The following BTBD7 variants were observed in gnomAD, a reference collection of about 807,000 sequenced individuals.
BTBD7 encodes the protein BTB domain containing 7.
BTBD7 carries 38 observed loss-of-function variants against 99.9 expected under a neutral mutation model. The ratio of observed to expected loss-of-function variants is 0.38; its 90% CI spans 0.29 to 0.50. BTBD7 has a LOEUF of 0.50. BTBD7 is among the 20% of genes least tolerant of loss of function. The probability of loss-of-function intolerance (pLI) is 0.93; values close to 1 mark genes in which losing one functional copy is unlikely to be tolerated. For missense variants in BTBD7, 1,170 were observed against 1,394.6 expected, an observed-to-expected ratio of 0.84 and a Z score of 2.57; for synonymous variants, 520 against 511.4, an observed-to-expected ratio of 1.02 and a Z score of -0.23.
Position 93,242,117 on chromosome 14 carries a change from C to T in BTBD7, c.*156G>A. 1 of 622,948 alleles carries T rather than the reference C, an allele frequency of 1.6e-6. No homozygotes were observed. The highest frequency in any genetic ancestry group is 2.7e-6 in the Non-Finnish European group (1 of 370,628). 38.6% of individuals were successfully genotyped at this position (622,948 alleles called of 1,614,324 possible). A position where few individuals can be genotyped will look rare whatever the true frequency, so the allele number is the denominator to read the frequency against. ...AAAAAAACAAAACCTTCTTAGCATG[C>T]CATGTCTAATAAACACATATATACA... On this transcript the variant is annotated 3_prime_UTR_variant, in exon 11 of 11. Transcript: ENST00000334746.
chr14:93,298,920 CT>C (rs1200723730), intron 1 of BTBD7, among the ~76,000 whole-genome samples: 2 of 152,262 alleles, frequency 1.3e-5, no homozygotes, highest in East Asian at 3.9e-4. Flanking sequence ...GTAGTAGCTG[CT>C]GGGATAGCTG....
At chr14:93,282,610 C>T (rs986362843) in intron 3 of BTBD7, among the ~76,000 whole-genome samples, 1 of 152,066 alleles carries the variant, frequency 6.6e-6, no homozygotes. Context: ...GAATTACAGG[C>T]ACGAGCCACC....
At chr14:93,295,900 CAG>C in intron 2 of BTBD7, 68 bp downstream of exon 2, 1 of 1,431,666 alleles carries the variant, frequency 7.0e-7, no homozygotes, top group Non-Finnish European at 9.8e-7. Context: ...TTGTCATCTA[CAG>C]AGACTACCGA....
intron 3 of BTBD7, among the ~76,000 whole-genome samples, chr14:93,273,473 G>T (rs550831249): frequency 8.5e-4 from 130 of 152,298 alleles, no homozygotes; most frequent in Non-Finnish European, 1.6e-3. Context: ...TAATTTAAAA[G>T]ATATCAGAAC....
At chr14:93,302,166 C>T (rs948757933) in intron 1 of BTBD7, among the ~76,000 whole-genome samples, 15 of 152,132 alleles carry the variant, frequency 9.9e-5, no homozygotes, top group African/African-American at 9.7e-5. Context: ...AACCTTGGTT[C>T]GATTTTGGAT....
chr14:93,308,340 A>G (rs1033624265), intron 1 of BTBD7, among the ~76,000 whole-genome samples: 2 of 152,100 alleles, frequency 1.3e-5, no homozygotes, highest in Non-Finnish European at 2.9e-5. Flanking sequence ...ACTTGGAGAC[A>G]AAAGATTTCC....
intron 1 of BTBD7, among the ~76,000 whole-genome samples, chr14:93,321,955 T>C (rs2053275400): frequency 6.6e-6 from 1 of 152,058 alleles, no homozygotes; most frequent in Non-Finnish European, 1.5e-5. Flanking sequence ...GAACTAACTA[T>C]GAGAAGGCCC....
intron 3 of BTBD7, among the ~76,000 whole-genome samples, chr14:93,266,867 C>A (rs1254277156): frequency 6.6e-6 from 1 of 152,122 alleles, no homozygotes; most frequent in African/African-American, 2.4e-5. Flanking sequence ...TAGATGACAC[C>A]CAAAGGCGTG....
intron 3 of BTBD7, among the ~76,000 whole-genome samples, chr14:93,272,333 G>GA (rs1012875321): frequency 1.5e-4 from 23 of 152,290 alleles, no homozygotes; most frequent in African/African-American, 5.3e-4. Context: ...CATGTCAGCT[G>GA]AAAGAATCTG....
At chr14:93,243,159 G>T in intron 10 of BTBD7, 71 bp from the exon 11 acceptor site, 4 of 1,351,042 alleles carry the variant, frequency 3.0e-6, no homozygotes, top group Non-Finnish European at 3.1e-6. Flanking sequence ...GATGTTCACT[G>T]ATTTTGTTTC....
At chr14:93,279,971 G>A (rs1303918825) in intron 3 of BTBD7, among the ~76,000 whole-genome samples, 1 of 152,114 alleles carries the variant, frequency 6.6e-6, no homozygotes, top group East Asian at 1.9e-4. Context: ...GTTCTCTCAG[G>A]TTTATAGACC....
At chr14:93,300,647 T>C (rs937864824) in intron 1 of BTBD7, among the ~76,000 whole-genome samples, 1 of 149,852 alleles carries the variant, frequency 6.7e-6, no homozygotes, top group Non-Finnish European at 1.5e-5. Flanking sequence ...CCAATCCTCC[T>C]ACCCCAGCCT....
chr14:93,295,312 T>G (rs1276360965), intron 2 of BTBD7, among the ~76,000 whole-genome samples: 1 of 152,082 alleles, frequency 6.6e-6, no homozygotes, highest in African/African-American at 2.4e-5. Flanking sequence ...TTGGTAGAGA[T>G]AGGGTCTCAC....
At chr14:93,275,306 T>C (rs2052642620) in intron 3 of BTBD7, among the ~76,000 whole-genome samples, 1 of 152,236 alleles carries the variant, frequency 6.6e-6, no homozygotes, top group Non-Finnish European at 1.5e-5. Flanking sequence ...TTTTATCTTC[T>C]TCAGCTTTCT....
chr14:93,295,740 T>C (rs934903543), intron 2 of BTBD7, among the ~76,000 whole-genome samples: 16 of 152,198 alleles, frequency 1.1e-4, no homozygotes, highest in African/African-American at 2.7e-4. Context: ...CCTAAGGTAA[T>C]TGGCAATTAT....
intron 1 of BTBD7, among the ~76,000 whole-genome samples, chr14:93,327,734 C>T (rs1218261060): frequency 6.6e-6 from 1 of 152,276 alleles, no homozygotes; most frequent in Middle Eastern, 3.4e-3. Flanking sequence ...AGGATGCCTG[C>T]TTTTACCACC....
Position 93,251,500 on chromosome 14 carries a change from C to T in BTBD7, c.1905G>A (p.Gln635=). Residue 635 remains glutamine, a synonymous_variant, in exon 8 of 11, where the codon CAG becomes CAA. Coordinates refer to ENST00000334746, the MANE Select transcript of BTBD7 (RefSeq NM_001002860.4). The part of the protein sequence containing the change: ...MISHQQISSN[Q]SSPPSVVANE... Reference sequence around the variant, plus strand: ...TGGCTACAACTGAAGGAGGGCTTGACTGGTTGCTGCTGATCTGCTGGTGGC... The same window carrying T: ...TGGCTACAACTGAAGGAGGGCTTGATTGGTTGCTGCTGATCTGCTGGTGGC... The T allele has an allele frequency of 1.2e-6, 2 of 1,611,852 alleles. No homozygotes were observed. Among genetic ancestry groups the T allele is most frequent in the Non-Finnish European group, 1.7e-6 (2 of 1,178,284 alleles).
Position 93,319,888 on chromosome 14 carries a change from G to A in BTBD7, c.-107+12932C>T, listed in dbSNP as rs553342336. On this transcript the variant is annotated intron_variant, in intron 1 of 10. Coordinates refer to ENST00000334746, the MANE Select transcript of BTBD7 (RefSeq NM_001002860.4). ...ACTAGGAAATGAGGCAAGAAAGGAAGACTTGAGAGTTGAATAACAGAGAAC... is the reference window on the plus strand; with the variant it reads ...ACTAGGAAATGAGGCAAGAAAGGAAAACTTGAGAGTTGAATAACAGAGAAC... 4.6e-5 allele frequency among the ~76,000 whole-genome samples: 7 copies of A among 152,244 alleles called. No homozygotes were observed. The South Asian group carries it at 1.5e-3, about 32-fold the overall frequency.
At position 93,253,509 on chromosome 14, in the gene BTBD7, A is replaced by G. The variant is rs539285840; in HGVS notation, c.1752+138T>C. On this transcript the variant is annotated intron_variant, in intron 7 of 10. Transcript: ENST00000334746. ...TAGAAAACTATTCTGTTGAGTAGTC[A>G]AACTAGAACTTACTTTCATTTTCCC... The G allele has an allele frequency of 6.8e-4, 494 of 731,004 alleles. 6 individuals are homozygous for G. Among genetic ancestry groups the G allele is most frequent in the Non-Finnish European group, 1.1e-4 (57 of 506,334 alleles). The allele number at this position is 731,004 out of a possible 1,614,324, so 45.3% of individuals were successfully genotyped here.
Sources: gnomAD v4.1 joint callset for allele counts (sites outside exome capture counted in the v4.1 genomes callset) on GRCh38, gnomAD v4.1.1 for gene constraint, MANE v1.5 for transcripts, NCBI Gene and HGNC (gene_info 2026-07-23, HGNC 2026-07-21) for gene names.